The following ARID4B variants were observed in gnomAD, a reference collection of about 807,000 sequenced individuals.
ARID4B encodes the protein AT-rich interactive domain-containing protein 4B.
ARID4B carries 26 observed loss-of-function variants against 147.5 expected under a neutral mutation model. The observed-to-expected ratio is 0.18, with a 90% confidence interval of 0.13 to 0.24. The LOEUF is 0.24. Ranked by LOEUF, ARID4B falls within the 10% of genes least tolerant of loss-of-function variation. The pLI, the probability that ARID4B is intolerant of heterozygous loss-of-function variation, is 1.00. For missense variants in ARID4B, 1,179 were observed against 1,511.5 expected (o/e 0.78, Z 3.65); for synonymous variants, 512 against 507.9 (o/e 1.01, Z -0.11).
Position 235,231,612 on chromosome 1 carries a change from G to A in ARID4B, c.666-423C>T, listed in dbSNP as rs529627629. ...AGCGATTCTTCTGCCTCAACCTCCC[G>A]AGTAGCTGGGATTACAGGCACATGC... On this transcript the variant is annotated intron_variant, in intron 9 of 23. Coordinates refer to ENST00000264183, the MANE Select transcript of ARID4B (RefSeq NM_016374.6). Among the ~76,000 whole-genome samples the A allele has an allele frequency of 3.3e-3, 497 of 152,144 alleles. 2 individuals are homozygous for A. The highest frequency in any genetic ancestry group is 5.1e-3 in the Non-Finnish European group (347 of 68,002).
intron 7 of ARID4B, among the ~76,000 whole-genome samples, chr1:235,241,872 C>T (rs1168193788): frequency 2.0e-5 from 3 of 152,024 alleles, no homozygotes; most frequent in African/African-American, 7.2e-5. Context: ...ATGGGGAATA[C>T]CACCCCCTTG....
chr1:235,323,255 G>A (rs969035915), intron 2 of ARID4B, among the ~76,000 whole-genome samples: 2 of 151,556 alleles, frequency 1.3e-5, no homozygotes, highest in Non-Finnish European at 2.9e-5. Context: ...TGGCCAGGCT[G>A]GTCTTGAACT....
At chr1:235,231,060 A>G in intron 10 of ARID4B, 53 bp downstream of exon 10, 1 of 1,257,922 alleles carries the variant, frequency 7.9e-7, no homozygotes, top group African/African-American at 1.5e-5. Context: ...AATCTTCAAA[A>G]ACACTTTAGC....
intron 2 of ARID4B, among the ~76,000 whole-genome samples, chr1:235,300,810 A>C (rs1338759569): frequency 2.0e-5 from 3 of 152,038 alleles, no homozygotes; most frequent in Admixed American, 2.0e-4. Context: ...CCCAGGTTCA[A>C]GCGATTCTCC....
intron 22 of ARID4B, among the ~76,000 whole-genome samples, chr1:235,173,772 ATATATATATAT>A (rs1440103594): frequency 3.4e-4 from 5 of 14,676 alleles, no homozygotes; most frequent in Admixed American, 1.1e-3. Flanking sequence ...AAAAAAAAAA[ATATATATATAT>A]ATATATATAT....
At chr1:235,277,198 A>T (rs1671371911) in intron 2 of ARID4B, among the ~76,000 whole-genome samples, 1 of 152,058 alleles carries the variant, frequency 6.6e-6, no homozygotes, top group Admixed American at 6.6e-5. Context: ...ACAAGACATG[A>T]TCGTGCCACT....
At chr1:235,215,601 G>A (rs1667022060) in intron 16 of ARID4B, among the ~76,000 whole-genome samples, 2 of 116,446 alleles carry the variant, frequency 1.7e-5, no homozygotes, top group Non-Finnish European at 4.1e-5. Flanking sequence ...CCCCCCCTTG[G>A]AGACATGGTC....
At chr1:235,289,085 T>C (rs1009190918) in intron 2 of ARID4B, among the ~76,000 whole-genome samples, 1 of 152,208 alleles carries the variant, frequency 6.6e-6, no homozygotes, top group Non-Finnish European at 1.5e-5. Context: ...ATAGCTATAC[T>C]TGCACATGTG....
At chr1:235,270,464 T>C (rs115236667) in intron 2 of ARID4B, among the ~76,000 whole-genome samples, 72,732 of 152,064 alleles carry the variant, frequency 0.48, 17,746 homozygotes, top group South Asian at 0.6. Flanking sequence ...AGACAAAACC[T>C]AAGCTACTTT....
intron 12 of ARID4B, among the ~76,000 whole-genome samples, chr1:235,223,966 A>G (rs1373567936): frequency 6.6e-6 from 1 of 152,184 alleles, no homozygotes; most frequent in African/African-American, 2.4e-5. Context: ...TAATACAAGA[A>G]TCAAAGACAT....
Position 235,213,897 on chromosome 1 carries a change from T to A in ARID4B, c.1713A>T (p.Pro571=). The change falls in exon 17 of 24, where the codon CCA becomes CCT. Residue 571 remains proline, a synonymous_variant. Transcript: ENST00000264183. ...CATACCGCACTTGGACTTTCATGCC[T>A]GGTGGATAGCACTCAAACTCCTCTT... is the stretch of plus-strand genomic sequence containing the variant. ...NEEEEFECYP[P]GMKVQVRYGR... 1 of 1,614,142 alleles carries A rather than the reference T, an allele frequency of 6.2e-7. No homozygotes were observed. Among genetic ancestry groups the A allele is most frequent in the Non-Finnish European group, 8.5e-7 (1 of 1,180,002 alleles).
chr1:235,223,149 T>C lies in ARID4B; in HGVS notation c.1065+17A>G, dbSNP rs1443094169. 16 of 1,484,612 alleles carry C rather than the reference T, an allele frequency of 1.1e-5. No homozygotes were observed. Among genetic ancestry groups the C allele is most frequent in the African/African-American group, 1.4e-5 (1 of 70,722 alleles). The allele number at this position is 1,484,612 out of a possible 1,614,324, so 92.0% of individuals were successfully genotyped here. A position where few individuals can be genotyped will look rare whatever the true frequency, so the allele number is the denominator to read the frequency against. Reference sequence around the variant, plus strand: ...TGTTACATGAAAAAGATGTTTCAGTTTGACTACAACACTCACATTATCAAA... The same window carrying C: ...TGTTACATGAAAAAGATGTTTCAGTCTGACTACAACACTCACATTATCAAA... On this transcript the variant is annotated intron_variant, in intron 13 of 23. Transcript: ENST00000264183.
At chr1:235,302,485 T>G (rs1267629926) in intron 2 of ARID4B, among the ~76,000 whole-genome samples, 2 of 152,188 alleles carry the variant, frequency 1.3e-5, no homozygotes, top group Non-Finnish European at 2.9e-5. Context: ...TTTGATATCA[T>G]TACATGTTGA....
Position 235,169,230 on chromosome 1 carries a change from GT to G in ARID4B, c.3812-579del, listed in dbSNP as rs551988389. Among the ~76,000 whole-genome samples the G allele has an allele frequency of 5.9e-3, 867 of 147,950 alleles. 13 individuals carry two copies. Among genetic ancestry groups the G allele is most frequent in the African/African-American group, 0.02 (828 of 40,456 alleles). ...AAGTCTCTCACTGTTTCCTTTTTTCGTTTTTTTTTGTTTGTTTGTTTTTTGA... is the reference window on the plus strand; with the variant it reads ...AAGTCTCTCACTGTTTCCTTTTTTCGTTTTTTTTGTTTGTTTGTTTTTTGA... On this transcript the variant is annotated intron_variant, in intron 23 of 23. Coordinates refer to ENST00000264183, the MANE Select transcript of ARID4B (RefSeq NM_016374.6).
rs1450140000 is a variant in ARID4B, at chr1:235,311,213, T to C, written c.6+15701A>G. Among the ~76,000 whole-genome samples, 4 of 151,592 alleles carry C rather than the reference T, an allele frequency of 2.6e-5. No homozygotes were observed. The East Asian group carries it at 5.8e-4, about 22-fold the overall frequency. ...CTCTAGAAAATATAAAAAATCAACCTATGGTGACCCACACCTGTAGTCCCA... is the reference window on the plus strand; with the variant it reads ...CTCTAGAAAATATAAAAAATCAACCCATGGTGACCCACACCTGTAGTCCCA... On this transcript the variant is annotated intron_variant, in intron 2 of 23. Transcript: ENST00000264183.
chr1:235,252,351 A>G (rs1443423738), intron 6 of ARID4B, among the ~76,000 whole-genome samples: 1 of 151,894 alleles, frequency 6.6e-6, no homozygotes, highest in Non-Finnish European at 1.5e-5. Context: ...AGCTAATAGC[A>G]GTAGCAGTAG....
chr1:235,286,911 G>A (rs1159287004), intron 2 of ARID4B, among the ~76,000 whole-genome samples: 1 of 152,186 alleles, frequency 6.6e-6, no homozygotes, highest in African/African-American at 2.4e-5. Context: ...GGAGAGAGAA[G>A]AACTGGGTAA....
At chr1:235,169,322 G>T (rs1353336557) in intron 23 of ARID4B, among the ~76,000 whole-genome samples, 1 of 151,340 alleles carries the variant, frequency 6.6e-6, no homozygotes, top group Non-Finnish European at 1.5e-5. Flanking sequence ...CTCACTAAAA[G>T]TTCTGCCTCC....
At chr1:235,255,062 A>G (rs982948473) in intron 5 of ARID4B, among the ~76,000 whole-genome samples, 2 of 151,952 alleles carry the variant, frequency 1.3e-5, no homozygotes, top group Non-Finnish European at 2.9e-5. Context: ...ACTAGGATAC[A>G]GTAGGTATCC....
Sources: allele counts gnomAD v4.1 joint callset (sites outside exome capture counted in the v4.1 genomes callset), GRCh38; gene constraint gnomAD v4.1.1; transcripts MANE v1.5; gene names NCBI Gene and HGNC (gene_info 2026-07-23, HGNC 2026-07-21).